The following DBT variants were observed in gnomAD, a reference collection of about 807,000 sequenced individuals.
The protein encoded by DBT is dihydrolipoamide branched chain transacylase E2.
Under a neutral mutation model 51.3 loss-of-function variants are expected in DBT, and 40 were observed. The observed-to-expected ratio is 0.78, with a 90% CI of 0.61 to 1.02. DBT has a LOEUF of 1.02. Ranked by LOEUF, DBT falls within the 50% of genes least tolerant of loss-of-function variation. The pLI, the probability that DBT is intolerant of heterozygous loss-of-function variation, is 0.00. For missense variants in DBT, 510 were observed against 580.2 expected (o/e 0.88, Z 1.24); for synonymous variants, 181 against 190.4 (o/e 0.95, Z 0.41).
intron 2 of DBT, among the ~76,000 whole-genome samples, chr1:100,239,003 A>G (rs1175959464): frequency 6.6e-6 from 1 of 152,364 alleles, no homozygotes; most frequent in Non-Finnish European, 1.5e-5. Flanking sequence ...TGTAAGCAGT[A>G]TTAGTATATC....
chr1:100,241,975 C>G (rs1197090751), intron 1 of DBT, among the ~76,000 whole-genome samples: 3 of 151,694 alleles, frequency 2.0e-5, no homozygotes, highest in Non-Finnish European at 4.4e-5. Context: ...GAGCCGGGAT[C>G]GAGCCACTGC....
chr1:100,228,756 T>C (rs1663359366), intron 4 of DBT, among the ~76,000 whole-genome samples: 2 of 152,114 alleles, frequency 1.3e-5, no homozygotes, highest in Admixed American at 6.6e-5. Context: ...CAAGACTCTG[T>C]CTCAAACAAA....
At chr1:100,212,581 A>G (rs1662219399) in intron 7 of DBT, among the ~76,000 whole-genome samples, 1 of 152,210 alleles carries the variant, frequency 6.6e-6, no homozygotes, top group Non-Finnish European at 1.5e-5. Context: ...ATAAAGAAGA[A>G]TAGTTTCTGC....
chr1:100,246,945 G>A (rs1664574462), intron 1 of DBT, among the ~76,000 whole-genome samples: 2 of 152,186 alleles, frequency 1.3e-5, no homozygotes, highest in Admixed American at 1.3e-4. Flanking sequence ...CCACAGTGGA[G>A]TAAGGCAAGA....
chr1:100,229,873 G>C (rs1036921103), intron 4 of DBT, among the ~76,000 whole-genome samples: 1 of 152,234 alleles, frequency 6.6e-6, no homozygotes, highest in African/African-American at 2.4e-5. Context: ...GTTTTCCTCT[G>C]TAACATTCTC....
chr1:100,229,721 AC>A (rs1663427324), intron 4 of DBT, among the ~76,000 whole-genome samples: 1 of 152,196 alleles, frequency 6.6e-6, no homozygotes, highest in African/African-American at 2.4e-5. Flanking sequence ...GAGTTCTGTC[AC>A]AGAACCTATT....
intron 1 of DBT, among the ~76,000 whole-genome samples, chr1:100,247,467 G>C (rs1664607393): frequency 6.6e-6 from 1 of 152,202 alleles, no homozygotes; most frequent in Non-Finnish European, 1.5e-5. Flanking sequence ...GGGAGGCCAA[G>C]GCAGGAGGAT....
At chr1:100,249,049 A>ATTTC in intron 1 of DBT, 1 of 973,618 alleles carries the variant, frequency 1.0e-6, no homozygotes, top group Non-Finnish European at 1.2e-6. Context: ...GGCTCTTGAA[A>ATTTC]GTTTTTGTAA....
At chr1:100,230,490 C>G (rs1187229998) in intron 4 of DBT, among the ~76,000 whole-genome samples, 1 of 152,112 alleles carries the variant, frequency 6.6e-6, no homozygotes, top group Non-Finnish European at 1.5e-5. Flanking sequence ...TCATCTCTTC[C>G]TTTTGCTATT....
At position 100,249,734 on chromosome 1, in the gene DBT, T is replaced by G. The variant is rs202148270; in HGVS notation, c.51+36A>C. 2.1e-5 allele frequency: 34 copies of G among 1,607,734 alleles called. No homozygotes were observed. The Admixed American group carries it at 5.3e-4, about 25-fold the overall frequency. ...TCCTGGATGACTCCGGACAAATCAC[T>G]CCTTCCCGGCCTCAGATCTGCCCAA... On this transcript the variant is annotated intron_variant, in intron 1 of 10. Coordinates refer to ENST00000370132, the MANE Select transcript of DBT (RefSeq NM_001918.5).
chr1:100,248,395 T>G (rs1664681682), intron 1 of DBT, among the ~76,000 whole-genome samples: 1 of 152,202 alleles, frequency 6.6e-6, no homozygotes. Context: ...GGTTTTTAAT[T>G]GCAGCTGGAA....
chr1:100,230,581 A>G, intron 4 of DBT, 152 bp downstream of exon 4: 1 of 560,146 alleles, frequency 1.8e-6, no homozygotes, highest in South Asian at 2.5e-5. Context: ...ACCTTTTTTC[A>G]CGTTGAAAAG....
intron 4 of DBT, among the ~76,000 whole-genome samples, 195 bp from the exon 5 acceptor site, chr1:100,218,942 G>T (rs12735769): frequency 5.5e-5 from 7 of 126,472 alleles, no homozygotes; most frequent in South Asian, 5.4e-4. Flanking sequence ...TGGGGGGGGG[G>T]GTGTGTGCCG....
chr1:100,221,111 A>C (rs533406668), intron 4 of DBT, among the ~76,000 whole-genome samples: 1 of 152,318 alleles, frequency 6.6e-6, no homozygotes, highest in Admixed American at 6.5e-5. Context: ...AAGACCAAGT[A>C]ATTTATTGCT....
intron 2 of DBT, among the ~76,000 whole-genome samples, chr1:100,237,695 G>A (rs1480500393): frequency 1.3e-5 from 2 of 152,096 alleles, no homozygotes; most frequent in Admixed American, 6.6e-5. Flanking sequence ...CTGGAGTGCA[G>A]TGGCACAATC....
intron 1 of DBT, among the ~76,000 whole-genome samples, chr1:100,241,794 A>G (rs1322155729): frequency 1.3e-5 from 2 of 152,142 alleles, no homozygotes; most frequent in Non-Finnish European, 2.9e-5. Flanking sequence ...CAAGGTGGGC[A>G]GATCACGAGG....
At position 100,195,976 on chromosome 1, in the gene DBT, A is replaced by G; in HGVS notation, c.*279T>C. 1 of 442,078 alleles carries G rather than the reference A, an allele frequency of 2.3e-6. No individual in the cohort carries two copies. The highest frequency in any genetic ancestry group is 4.1e-6 in the Non-Finnish European group (1 of 241,796). 27.4% of individuals were successfully genotyped at this position (442,078 alleles called of 1,614,324 possible). A position where few individuals can be genotyped will look rare whatever the true frequency, so the allele number is the denominator to read the frequency against. ...CACCATGCCCGGCCTAATTTTGTTA[A>G]TCTTGCCAGTTTCAAGCCATTGACA... On this transcript the variant is annotated 3_prime_UTR_variant, in exon 11 of 11. Coordinates refer to ENST00000370132, the MANE Select transcript of DBT (RefSeq NM_001918.5).
chr1:100,201,131 A>T (rs919099458), intron 10 of DBT, among the ~76,000 whole-genome samples: 2 of 152,172 alleles, frequency 1.3e-5, no homozygotes, highest in African/African-American at 4.8e-5. Flanking sequence ...GTTCTAACCC[A>T]ATGCAAGGAA....
At chr1:100,235,281 AC>A (rs1663801856) in intron 3 of DBT, among the ~76,000 whole-genome samples, 154 bp downstream of exon 3, 1 of 152,200 alleles carries the variant, frequency 6.6e-6, no homozygotes. Flanking sequence ...AGGTAATTCT[AC>A]CTTATTGCTT....
Sources: gnomAD v4.1 joint callset for allele counts (sites outside exome capture counted in the v4.1 genomes callset) on GRCh38, gnomAD v4.1.1 for gene constraint, MANE v1.5 for transcripts, NCBI Gene and HGNC (gene_info 2026-07-23, HGNC 2026-07-21) for gene names.